PITPNM2: variants seen among roughly 807,000 people sequenced by gnomAD.
The protein encoded by PITPNM2 is membrane-associated phosphatidylinositol transfer protein 2.
A neutral mutation model predicts 132.2 loss-of-function variants in PITPNM2; 35 were observed. That is an observed-to-expected ratio of 0.26 (90% CI 0.20 to 0.35). PITPNM2 has a LOEUF of 0.35. Ranked by LOEUF, PITPNM2 falls within the 10% of genes least tolerant of loss-of-function variation. PITPNM2 has a pLI of 1.00. For synonymous variants in PITPNM2, 738 were observed against 799.2 expected, an observed-to-expected ratio of 0.92 and a Z score of 1.29; for missense variants, 1,332 against 1,912.0, an observed-to-expected ratio of 0.70 and a Z score of 5.66.
Position 123,036,935 on chromosome 12 carries a change from A to C in PITPNM2, c.-95-2250T>G, listed in dbSNP as rs1353588546. On this transcript the variant is annotated intron_variant, in intron 2 of 25. Transcript: ENST00000320201. The surrounding 1 kb of genome is among the most constrained non-coding windows in gnomAD (Gnocchi z 4.1). ...CCCAGAGGCTGTGCTCAAGTGAAAA[A>C]AGACCATTGCTGACCTTCTTCAAGG... Among the ~76,000 whole-genome samples the C allele has an allele frequency of 2.6e-5, 4 of 152,178 alleles. No homozygotes were observed. The highest frequency in any genetic ancestry group is 9.7e-5 in the African/African-American group (4 of 41,448).
At chr12:123,134,151 C>T (rs779522182) in intron 1 of PITPNM2, among the ~76,000 whole-genome samples, 7 of 152,130 alleles carry the variant, frequency 4.6e-5, no homozygotes, top group Admixed American at 6.5e-5. Context: ...CTGCAACCTC[C>T]GCCTCTGGTT....
intron 18 of PITPNM2, 111 bp from the exon 19 acceptor site, chr12:122,988,983 T>A (rs1241511625): frequency 1.6e-6 from 2 of 1,234,658 alleles, no homozygotes; most frequent in African/African-American, 3.1e-5. Context: ...CCCCACCAGC[T>A]ATAGCCAAAA....
rs1001924631 is a variant in PITPNM2 at position 123,031,280 on chromosome 12, G to A, written c.78+3233C>T. On this transcript the variant is annotated intron_variant, in intron 3 of 25. Transcript: ENST00000320201. This position sits in a 1 kb window ranked among gnomAD's most constrained non-coding sequence, Gnocchi z 4.5. ...CCATGCAGACAGTAGGCAGGCCAGC[G>A]TTTTGCCCCTCAGAGGGCACACGAC... is the stretch of plus-strand genomic sequence containing the variant. Among the ~76,000 whole-genome samples the A allele has an allele frequency of 3.9e-5, 6 of 152,338 alleles. No individual in the cohort carries two copies. In the South Asian group the frequency reaches 1.0e-3, roughly 26 times the overall value.
At position 123,140,980 on chromosome 12, in the gene PITPNM2, T is replaced by C. The variant is rs560960081; in HGVS notation, c.-200+9773A>G. On this transcript the variant is annotated intron_variant, in intron 1 of 25. Coordinates refer to ENST00000320201, the MANE Select transcript of PITPNM2 (RefSeq NM_020845.3). ...AGAAAAGGGAAAAAAAAAAACCCCA[T>C]ACAAACCCAAATTGAAAGGTACTTT... 2.6e-5 allele frequency among the ~76,000 whole-genome samples: 4 copies of C among 151,384 alleles called. 1 individual carries two copies. Among genetic ancestry groups the C allele is most frequent in the South Asian group, 4.2e-4 (2 of 4,800 alleles).
At chr12:123,061,298 A>C (rs2041227869) in intron 2 of PITPNM2, among the ~76,000 whole-genome samples, 2 of 152,234 alleles carry the variant, frequency 1.3e-5, no homozygotes, top group Admixed American at 6.5e-5. Flanking sequence ...ATGACAAGGC[A>C]CGGTCTATGC....
At chr12:123,069,940 G>A (rs2041573671) in intron 2 of PITPNM2, among the ~76,000 whole-genome samples, 1 of 152,178 alleles carries the variant, frequency 6.6e-6, no homozygotes, top group Non-Finnish European at 1.5e-5. Context: ...TGAAAAGCCA[G>A]ATGCAATGCA....
rs2042442740 is a variant in PITPNM2, at chr12:123,097,536, T to C, written c.-96+12849A>G. Among the ~76,000 whole-genome samples, 2 of 152,166 alleles carry C rather than the reference T, an allele frequency of 1.3e-5. No homozygotes were observed. Among genetic ancestry groups the C allele is most frequent in the African/African-American group, 4.8e-5 (2 of 41,440 alleles). On this transcript the variant is annotated intron_variant, in intron 2 of 25. Transcript: ENST00000320201. This position sits in a 1 kb window ranked among gnomAD's most constrained non-coding sequence, Gnocchi z 4.7. Reference sequence around the variant, plus strand: ...GAGTCAGGAAGGGAGATTGTCTTTCTTAAGGCACGCACATGCTCAGCAGTG... The same window carrying C: ...GAGTCAGGAAGGGAGATTGTCTTTCCTAAGGCACGCACATGCTCAGCAGTG...
intron 2 of PITPNM2, among the ~76,000 whole-genome samples, chr12:123,053,562 CTTTTTTTT>C (rs964541144): frequency 8.3e-6 from 1 of 119,870 alleles, no homozygotes; most frequent in African/African-American, 3.1e-5. Context: ...ATGGTGACAT[CTTTTTTTT>C]TTTTTTTTTT....
intron 3 of PITPNM2, among the ~76,000 whole-genome samples, chr12:123,027,116 C>T (rs1403381828): frequency 6.6e-6 from 1 of 151,942 alleles, no homozygotes; most frequent in Non-Finnish European, 1.5e-5. Flanking sequence ...ACACTGATGG[C>T]CCCCCACCTG....
intron 1 of PITPNM2, among the ~76,000 whole-genome samples, chr12:123,142,263 A>C (rs1170985218): frequency 6.6e-6 from 1 of 152,232 alleles, no homozygotes; most frequent in Non-Finnish European, 1.5e-5. Flanking sequence ...CCCAGCAGCA[A>C]ATGCATAAGC....
At chr12:123,085,635 C>T (rs149025016) in intron 2 of PITPNM2, among the ~76,000 whole-genome samples, 6 of 152,016 alleles carry the variant, frequency 3.9e-5, no homozygotes, top group Non-Finnish European at 5.9e-5. Context: ...ATGAACTATA[C>T]GCATAAAAGT....
chr12:123,134,572 C>CT (rs2137586661), intron 1 of PITPNM2, among the ~76,000 whole-genome samples: 1 of 152,238 alleles, frequency 6.6e-6, no homozygotes, highest in Admixed American at 6.5e-5. Context: ...AGGCTCCTCT[C>CT]AAGCCTTGAA....
intron 1 of PITPNM2, among the ~76,000 whole-genome samples, chr12:123,115,343 C>T (rs1593024180): frequency 6.6e-6 from 1 of 152,142 alleles, no homozygotes; most frequent in East Asian, 1.9e-4. Context: ...AGTGGAGAGA[C>T]CTCCAGTGAA....
intron 1 of PITPNM2, among the ~76,000 whole-genome samples, chr12:123,113,003 G>A (rs1300200574): frequency 6.6e-6 from 1 of 152,208 alleles, no homozygotes; most frequent in African/African-American, 2.4e-5. Context: ...ATTAGCAAGT[G>A]AATCTGTTTC....
intron 1 of PITPNM2, among the ~76,000 whole-genome samples, chr12:123,146,663 C>T (rs1252356086): frequency 6.6e-6 from 1 of 151,882 alleles, no homozygotes; most frequent in East Asian, 1.9e-4. Context: ...AAATGCCAGC[C>T]TGCCCCTCCT....
intron 1 of PITPNM2, among the ~76,000 whole-genome samples, chr12:123,141,445 G>A (rs1391262124): frequency 6.6e-6 from 1 of 152,140 alleles, no homozygotes; most frequent in Non-Finnish European, 1.5e-5. Context: ...ATGCCACTGG[G>A]CCTGGCACCA....
chr12:123,101,461 C>T (rs893407639), intron 2 of PITPNM2, among the ~76,000 whole-genome samples: 14 of 152,194 alleles, frequency 9.2e-5, no homozygotes, highest in African/African-American at 2.7e-4. Context: ...ACTAGAAAGA[C>T]GGCAATGCTT....
intron 19 of PITPNM2, 94 bp downstream of exon 19, chr12:122,988,630 G>T: frequency 7.6e-7 from 1 of 1,317,590 alleles, no homozygotes; most frequent in Non-Finnish European, 1.0e-6. Flanking sequence ...TGGGGTTGGA[G>T]AGGAGTCCCC....
chr12:123,147,150 C>A (rs2043634779), intron 1 of PITPNM2, among the ~76,000 whole-genome samples: 1 of 152,138 alleles, frequency 6.6e-6, no homozygotes, highest in Non-Finnish European at 1.5e-5. Flanking sequence ...AAGCCCCCTT[C>A]AAGTCCCACT....
Sources: gnomAD v4.1 joint callset for allele counts (sites outside exome capture counted in the v4.1 genomes callset) on GRCh38, gnomAD v4.1.1 for gene constraint, Gnocchi (gnomAD v3.1) non-coding constraint, MANE v1.5 for transcripts, NCBI Gene and HGNC (gene_info 2026-07-23, HGNC 2026-07-21) for gene names.